Variants in FHIT observed in about 807,000 individuals in gnomAD.
The protein encoded by FHIT is bis(5'-adenosyl)-triphosphatase.
Under a neutral mutation model 17.9 loss-of-function variants are expected in FHIT, and 19 were observed. That is an observed-to-expected ratio of 1.06 (90% CI 0.74 to 1.56). The LOEUF is 1.56. Among genes scored for constraint, FHIT ranks in the 40% most tolerant of loss-of-function variants. The pLI is 0.00. For missense variants in FHIT, 248 were observed against 189.2 expected (o/e 1.31, Z -1.82); for synonymous variants, 81 against 69.7 (o/e 1.16, Z -0.81).
chr3:60,114,001 C>CAAAAAAAAAAAAAA (rs1559644017), intron 5 of FHIT, among the ~76,000 whole-genome samples: 1 of 17,932 alleles, frequency 5.6e-5, no homozygotes, highest in Non-Finnish European at 7.3e-5. Flanking sequence ...GACCCCGTCT[C>CAAAAAAAAAAAAAA]CAAAAAAAAA....
At chr3:59,998,295 C>T (rs992748477) in intron 7 of FHIT, among the ~76,000 whole-genome samples, 3 of 152,022 alleles carry the variant, frequency 2.0e-5, no homozygotes, top group Non-Finnish European at 2.9e-5. Flanking sequence ...CAGCCTGCTG[C>T]GGGTTAGAAA....
chr3:60,236,765 T>C lies in FHIT; in HGVS notation c.104-222613A>G, dbSNP rs971305958. ...TTCTCACTGTAAAAAATTCAAACCA[T>C]ATAGAAAAATATAAAAACTCCCTTA... is the stretch of plus-strand genomic sequence containing the variant. On this transcript the variant is annotated intron_variant, in intron 5 of 9. Coordinates refer to ENST00000492590, the MANE Select transcript of FHIT (RefSeq NM_002012.4). Among the ~76,000 whole-genome samples, 4 of 152,150 alleles carry C rather than the reference T, an allele frequency of 2.6e-5. No individual in the cohort carries two copies. The South Asian group carries it at 8.3e-4, about 32-fold the overall frequency.
chr3:60,680,434 T>C (rs1553696564), intron 4 of FHIT, among the ~76,000 whole-genome samples: 1 of 152,188 alleles, frequency 6.6e-6, no homozygotes, highest in Non-Finnish European at 1.5e-5. Context: ...ACTCTTTTTA[T>C]ATTTCATATT....
At chr3:60,934,401 A>G (rs782074129) in intron 3 of FHIT, among the ~76,000 whole-genome samples, 7 of 152,234 alleles carry the variant, frequency 4.6e-5, no homozygotes, top group African/African-American at 9.6e-5. Context: ...ATAGCTTTAC[A>G]TCTATTAGCC....
intron 2 of FHIT, among the ~76,000 whole-genome samples, chr3:61,187,920 A>G (rs1271888045): frequency 6.6e-6 from 1 of 152,238 alleles, no homozygotes; most frequent in Non-Finnish European, 1.5e-5. Flanking sequence ...TCTCTGGGAC[A>G]CATTCAAAGC....
At chr3:60,618,674 CA>C (rs1245945600) in intron 4 of FHIT, among the ~76,000 whole-genome samples, 1 of 152,092 alleles carries the variant, frequency 6.6e-6, no homozygotes, top group Non-Finnish European at 1.5e-5. Flanking sequence ...ATATGTTATG[CA>C]AAAAGATTTT....
chr3:61,089,607 A>G (rs1361903418), intron 2 of FHIT, among the ~76,000 whole-genome samples: 2 of 152,246 alleles, frequency 1.3e-5, no homozygotes, highest in Non-Finnish European at 2.9e-5. Flanking sequence ...TTTGAAACAC[A>G]TAAAAGAAAT....
chr3:59,845,858 ATTT>A (rs932062994), intron 8 of FHIT, among the ~76,000 whole-genome samples: 6 of 151,986 alleles, frequency 3.9e-5, no homozygotes, highest in African/African-American at 1.4e-4. Context: ...CTTTGCTAGC[ATTT>A]TTTATTTAAA....
chr3:60,412,353 G>T (rs1176095371), intron 5 of FHIT, among the ~76,000 whole-genome samples: 1 of 152,124 alleles, frequency 6.6e-6, no homozygotes, highest in East Asian at 1.9e-4. Context: ...TCTCAATAGT[G>T]TATGAGGACA....
chr3:59,975,037 A>AT (rs1708349096), intron 7 of FHIT, among the ~76,000 whole-genome samples: 1 of 151,952 alleles, frequency 6.6e-6, no homozygotes. Context: ...TATTTTACTT[A>AT]TTTTTTTGTG....
At chr3:59,878,221 ATT>A (rs1703250215) in intron 8 of FHIT, among the ~76,000 whole-genome samples, 1 of 151,938 alleles carries the variant, frequency 6.6e-6, no homozygotes, top group Non-Finnish European at 1.5e-5. Context: ...ACATAATATA[ATT>A]TTTCCCAAGG....
intron 5 of FHIT, among the ~76,000 whole-genome samples, chr3:60,481,001 C>T (rs2033583645): frequency 6.6e-6 from 1 of 152,186 alleles, no homozygotes; most frequent in South Asian, 2.1e-4. Flanking sequence ...TTTGTACTGC[C>T]CTAGCAGAGG....
Position 59,753,304 on chromosome 3 carries a change from T to C in FHIT, c.349-983A>G, listed in dbSNP as rs1381907210. Among the ~76,000 whole-genome samples, 6 of 152,148 alleles carry C rather than the reference T, an allele frequency of 3.9e-5. No homozygotes were observed. The East Asian group carries it at 1.2e-3, about 29-fold the overall frequency. On this transcript the variant is annotated intron_variant, in intron 8 of 9. Transcript: ENST00000492590. ...AATGAGAAAACAACTTACAAAAAAT[T>C]AACAATTTGTCTCAAAATTAACACT...
intron 8 of FHIT, among the ~76,000 whole-genome samples, chr3:59,845,447 C>A (rs758474696): frequency 2.6e-5 from 4 of 152,056 alleles, no homozygotes; most frequent in African/African-American, 4.8e-5. Context: ...GTTTTCATTA[C>A]TTCCATATGT....
chr3:61,107,591 A>T (rs1038327370), intron 2 of FHIT, among the ~76,000 whole-genome samples: 2 of 152,198 alleles, frequency 1.3e-5, no homozygotes, highest in Non-Finnish European at 2.9e-5. Context: ...AACAGTGTAC[A>T]TGGGTTGCTT....
At chr3:60,549,204 G>A (rs1424857946) in intron 4 of FHIT, among the ~76,000 whole-genome samples, 1 of 152,046 alleles carries the variant, frequency 6.6e-6, no homozygotes, top group Non-Finnish European at 1.5e-5. Context: ...GTATGTAATG[G>A]TTACATAAAT....
intron 5 of FHIT, among the ~76,000 whole-genome samples, chr3:60,388,446 A>G (rs1701096219): frequency 6.6e-6 from 1 of 152,084 alleles, no homozygotes; most frequent in African/African-American, 2.4e-5. Context: ...CAGAAAAAAT[A>G]CAACAATTAG....
At chr3:60,073,208 G>A (rs1262167688) in intron 5 of FHIT, among the ~76,000 whole-genome samples, 1 of 152,012 alleles carries the variant, frequency 6.6e-6, no homozygotes, top group Non-Finnish European at 1.5e-5. Context: ...TTAAAAATAA[G>A]GTCCCTTGAG....
Position 60,196,305 on chromosome 3 carries a change from C to A in FHIT, c.104-182153G>T, listed in dbSNP as rs1317155276. On this transcript the variant is annotated intron_variant, in intron 5 of 9. Transcript: ENST00000492590. Reference sequence around the variant, plus strand: ...GCTTCTAGAGGAAGCCCACATTCCTCACCTCATGGTGCCTTCCCACATCTT... The same window carrying A: ...GCTTCTAGAGGAAGCCCACATTCCTAACCTCATGGTGCCTTCCCACATCTT... Among the ~76,000 whole-genome samples, 2 of 152,254 alleles carry A rather than the reference C, an allele frequency of 1.3e-5. 1 individual carries two copies. The highest frequency in any genetic ancestry group is 4.1e-4 in the South Asian group (2 of 4,828).
Sources: allele counts gnomAD v4.1 joint callset (sites outside exome capture counted in the v4.1 genomes callset), GRCh38; gene constraint gnomAD v4.1.1; transcripts MANE v1.5; gene names NCBI Gene and HGNC (gene_info 2026-07-23, HGNC 2026-07-21).